Variants in ABCA12 observed in about 807,000 individuals in gnomAD.
ABCA12 encodes ATP binding cassette subfamily A member 12, also known as glucosylceramide transporter ABCA12.
A neutral mutation model predicts 293.5 loss-of-function variants in ABCA12; 156 were observed. The ratio of observed to expected loss-of-function variants is 0.53; its 90% confidence interval spans 0.47 to 0.61. ABCA12 has a LOEUF of 0.61. Among genes scored for constraint, ABCA12 ranks in the 20% least tolerant of loss-of-function variants. The pLI is 0.00. For synonymous variants in ABCA12, 1,063 were observed against 1,108.0 expected (o/e 0.96, Z 0.81); for missense variants, 2,797 against 3,090.2 (o/e 0.91, Z 2.25).
At chr2:215,126,280 G>A (rs967401649) in intron 1 of ABCA12, among the ~76,000 whole-genome samples, 1 of 151,976 alleles carries the variant, frequency 6.6e-6, no homozygotes, top group African/African-American at 2.4e-5. Context: ...TCCTTTCCTG[G>A]TTTTGGTATT....
At chr2:214,991,228 T>C (rs1699906162) in intron 23 of ABCA12, among the ~76,000 whole-genome samples, 197 bp from the exon 24 acceptor site, 1 of 152,190 alleles carries the variant, frequency 6.6e-6, no homozygotes, top group Admixed American at 6.5e-5. Flanking sequence ...ACTTAGATTA[T>C]TTGTTCACAG....
At chr2:214,950,615 G>C (rs753136980) in intron 45 of ABCA12, among the ~76,000 whole-genome samples, 2 of 149,750 alleles carry the variant, frequency 1.3e-5, no homozygotes, top group African/African-American at 4.9e-5. Context: ...AACTATTCTC[G>C]TGCCTCAGCC....
chr2:214,943,343 C>G (rs1428252964), intron 49 of ABCA12, among the ~76,000 whole-genome samples: 1 of 151,762 alleles, frequency 6.6e-6, no homozygotes, highest in Non-Finnish European at 1.5e-5. Context: ...GGGGGTCTTG[C>G]CATGTTGCCC....
At chr2:214,933,999 T>A in intron 52 of ABCA12, 79 bp downstream of exon 52, 3 of 1,445,542 alleles carry the variant, frequency 2.1e-6, no homozygotes, top group East Asian at 2.4e-5. Flanking sequence ...AAATTGAATG[T>A]AATTAAAAAG....
At chr2:214,940,358 C>T (rs146450214) in intron 50 of ABCA12, among the ~76,000 whole-genome samples, 2,383 of 152,168 alleles carry the variant, frequency 0.016, 71 homozygotes, top group African/African-American at 0.053. Flanking sequence ...CAGCTGGATT[C>T]GGTTTGCCAG....
intron 22 of ABCA12, 80 bp from the exon 23 acceptor site, chr2:214,997,889 T>A: frequency 1.2e-6 from 1 of 840,602 alleles, no homozygotes; most frequent in Non-Finnish European, 2.0e-6. Flanking sequence ...TATAAAGAAC[T>A]CACTCTCTCT....
intron 2 of ABCA12, among the ~76,000 whole-genome samples, chr2:215,091,527 A>G (rs1295037816): frequency 1.3e-5 from 2 of 152,056 alleles, no homozygotes; most frequent in Non-Finnish European, 2.9e-5. Context: ...TTTGGCAACA[A>G]CCCTTAGACG....
At position 214,974,813 on chromosome 2, in the gene ABCA12, A is replaced by G. The variant is rs1309984305; in HGVS notation, c.5433T>C (p.Pro1811=). The change falls in exon 35 of 53, where the codon CCT becomes CCC. Residue 1811 remains proline (P), a synonymous_variant. Coordinates refer to ENST00000272895, the MANE Select transcript of ABCA12 (RefSeq NM_173076.3). Reference sequence around the variant, plus strand: ...TGTTCAGACACATGTTGTCAATTCCAGGGAAGTCCCACATTGCTGAGACAA... The same window carrying G: ...TGTTCAGACACATGTTGTCAATTCCGGGGAAGTCCCACATTGCTGAGACAA... The part of the protein sequence containing the change: ...EALVSAMWDF[P]GIDNMCLNTS... 1 of 1,614,130 alleles carries G rather than the reference A, an allele frequency of 6.2e-7. No individual in the cohort carries two copies. The highest frequency in any genetic ancestry group is 2.2e-5 in the East Asian group (1 of 44,864).
intron 26 of ABCA12, among the ~76,000 whole-genome samples, chr2:214,988,763 G>C (rs1348362262): frequency 6.6e-6 from 1 of 152,028 alleles, no homozygotes; most frequent in African/African-American, 2.4e-5. Context: ...ATCTTTTAAA[G>C]GAATATCCGA....
chr2:215,113,640 G>A (rs1702623055), intron 1 of ABCA12, among the ~76,000 whole-genome samples: 1 of 152,102 alleles, frequency 6.6e-6, no homozygotes, highest in South Asian at 2.1e-4. Flanking sequence ...ATTTTTGTTG[G>A]AAAATTTCTT....
At position 214,953,917 on chromosome 2, in the gene ABCA12, G is replaced by T; in HGVS notation, c.6584C>A (p.Ser2195Tyr). The T allele has an allele frequency of 6.2e-7, 1 of 1,614,000 alleles. No individual in the cohort carries two copies. Residue 2195 changes from serine to tyrosine, a missense_variant, in exon 44 of 53, where the codon TCT (serine) becomes TAT (tyrosine). Physicochemically the swap from Ser to Tyr is moderately radical, Grantham distance 144 (BLOSUM62 -2). This residue lies in a region of ABCA12 where 2,130 missense variants were observed against 2,427.0 expected (regional missense o/e 0.88). Coordinates refer to ENST00000272895, the MANE Select transcript of ABCA12 (RefSeq NM_173076.3). The stretch of plus-strand genomic sequence containing the variant: ...CAAGGAAAAAAACATGGTGCCCTGA[G>T]AAACCAAAGCCACAAACATTGCACC... ...KLGAMFVALV[S>Y]QGTMFFSLRL...
chr2:215,010,768 C>T (rs1270613295), intron 17 of ABCA12, among the ~76,000 whole-genome samples: 3 of 152,038 alleles, frequency 2.0e-5, no homozygotes, highest in Non-Finnish European at 4.4e-5. Context: ...CATTTCCCAG[C>T]ATTTACCTTT....
At chr2:214,980,668 A>G in intron 30 of ABCA12, 25 bp from the exon 31 acceptor site, 1 of 1,613,914 alleles carries the variant, frequency 6.2e-7, no homozygotes, top group African/African-American at 1.3e-5. Flanking sequence ...CAAGAACAAC[A>G]GGGAATGAAA....
rs145832156 is a variant in ABCA12, at chr2:215,130,870, G to A, written c.69+7270C>T. On this transcript the variant is annotated intron_variant, in intron 1 of 52. Transcript: ENST00000272895. ...TTCCCCATTCAGCGTGATGTTGGCT[G>A]TGGGTTTGTCATATATGACTGTTAT... 2.6e-5 allele frequency among the ~76,000 whole-genome samples: 4 copies of A among 151,892 alleles called. No homozygotes were observed. The East Asian group carries it at 5.8e-4, about 22-fold the overall frequency.
chr2:215,070,342 G>A (rs1336932756), intron 2 of ABCA12, among the ~76,000 whole-genome samples: 2 of 151,462 alleles, frequency 1.3e-5, no homozygotes, highest in East Asian at 1.9e-4. Context: ...TGTTAAGTAG[G>A]GTTCATTCTT....
intron 22 of ABCA12, among the ~76,000 whole-genome samples, chr2:215,000,053 T>C (rs978547571): frequency 1.1e-4 from 17 of 152,252 alleles, no homozygotes; most frequent in Admixed American, 2.0e-4. Context: ...ATCTACAGAG[T>C]GAAGGAAGCA....
chr2:214,981,662 G>T (rs906449590), intron 30 of ABCA12, among the ~76,000 whole-genome samples: 5 of 150,250 alleles, frequency 3.3e-5, no homozygotes, highest in Non-Finnish European at 7.4e-5. Flanking sequence ...ACTTTTAAAA[G>T]ATATCATATT....
At chr2:214,956,807 T>C in intron 41 of ABCA12, 29 bp from the exon 42 acceptor site, 1 of 1,475,106 alleles carries the variant, frequency 6.8e-7, no homozygotes. Flanking sequence ...CAATGTTTAA[T>C]ACGTGACAAG....
chr2:214,999,813 T>C (rs909412177), intron 22 of ABCA12: 1 of 984,644 alleles, frequency 1.0e-6, no homozygotes, highest in Non-Finnish European at 1.2e-6. Flanking sequence ...ACTGTTGCAC[T>C]GGGTTACATT....
Sources: allele counts gnomAD v4.1 joint callset (sites outside exome capture counted in the v4.1 genomes callset), GRCh38; gene constraint gnomAD v4.1.1; regional missense constraint gnomAD v4.1.1; transcripts MANE v1.5; gene names NCBI Gene and HGNC (gene_info 2026-07-23, HGNC 2026-07-21).